Variants in CHCHD6 observed in about 807,000 individuals in gnomAD.
The protein encoded by CHCHD6 is coiled-coil-helix-coiled-coil-helix domain containing 6, also known as MICOS complex subunit MIC25.
In CHCHD6, 28 loss-of-function variants were observed where a neutral mutation model predicts 32.3. That is an observed-to-expected ratio of 0.87 (90% CI 0.64 to 1.19). The LOEUF (loss-of-function observed/expected upper bound fraction) is 1.19, where lower values mean the gene tolerates loss of function less well. Ranked by LOEUF, CHCHD6 falls within the 50% of genes most tolerant of loss-of-function variation. The probability of loss-of-function intolerance (pLI) is 0.00; values close to 1 mark genes in which losing one functional copy is unlikely to be tolerated. For missense variants in CHCHD6, 333 were observed against 307.0 expected (o/e 1.08, Z -0.63); for synonymous variants, 122 against 117.5 (o/e 1.04, Z -0.25).
chr3:126,761,315 A>G (rs1937154695), intron 4 of CHCHD6, among the ~76,000 whole-genome samples: 1 of 152,102 alleles, frequency 6.6e-6, no homozygotes, highest in Admixed American at 6.5e-5. Flanking sequence ...CTCTGTCTCC[A>G]TCTTCACATG....
intron 4 of CHCHD6, among the ~76,000 whole-genome samples, chr3:126,757,749 G>T (rs1559826157): frequency 6.6e-6 from 1 of 152,174 alleles, no homozygotes; most frequent in East Asian, 1.9e-4. Context: ...ACACAGCAGG[G>T]ATTGGTGAGC....
intron 6 of CHCHD6, among the ~76,000 whole-genome samples, chr3:126,953,851 A>G (rs532292920): frequency 2.0e-5 from 3 of 152,316 alleles, no homozygotes; most frequent in African/African-American, 4.8e-5. Context: ...GGATACCTTT[A>G]TCTGTGCATG....
Position 126,808,454 on chromosome 3 carries a change from CATGTT to C in CHCHD6, c.412-44189_412-44185del, listed in dbSNP as rs149372899. Among the ~76,000 whole-genome samples the C allele has an allele frequency of 2.7e-4, 41 of 152,122 alleles. No homozygotes were observed. The East Asian group carries it at 7.9e-3, about 29-fold the overall frequency. On this transcript the variant is annotated intron_variant, in intron 4 of 7. Coordinates refer to ENST00000290913, the MANE Select transcript of CHCHD6 (RefSeq NM_032343.3). Reference sequence around the variant, plus strand: ...CTGTGTTACTCAAGAAAAAAGAAAACATGTTATGGGAAGGAACTTCAAAATGTTTG... The same window carrying C: ...CTGTGTTACTCAAGAAAAAAGAAAACATGGGAAGGAACTTCAAAATGTTTG...
chr3:126,705,274 T>C (rs1306242683), intron 1 of CHCHD6, among the ~76,000 whole-genome samples: 2 of 152,230 alleles, frequency 1.3e-5, no homozygotes, highest in Non-Finnish European at 2.9e-5. Context: ...TTGATAATTG[T>C]TTACTTGTTT....
intron 1 of CHCHD6, among the ~76,000 whole-genome samples, chr3:126,722,933 T>C (rs978442289): frequency 1.3e-5 from 2 of 152,252 alleles, no homozygotes; most frequent in African/African-American, 4.8e-5. Context: ...TTTATAGTTT[T>C]AGCTCTTAAT....
At chr3:126,847,915 G>A (rs971991445) in intron 4 of CHCHD6, among the ~76,000 whole-genome samples, 1 of 151,978 alleles carries the variant, frequency 6.6e-6, no homozygotes, top group African/African-American at 2.4e-5. Flanking sequence ...TGAAACAGCT[G>A]TTAGACACAT....
At chr3:126,821,484 C>T (rs753414689) in intron 4 of CHCHD6, among the ~76,000 whole-genome samples, 1 of 152,054 alleles carries the variant, frequency 6.6e-6, no homozygotes, top group African/African-American at 2.4e-5. Flanking sequence ...TTAGTAGAGA[C>T]GGGATTTCAC....
chr3:126,795,295 T>G (rs1938742152), intron 4 of CHCHD6, among the ~76,000 whole-genome samples: 1 of 152,240 alleles, frequency 6.6e-6, no homozygotes, highest in Non-Finnish European at 1.5e-5. Flanking sequence ...CAGCTTTCTC[T>G]TGCATGAAAT....
chr3:126,763,884 G>T (rs757165156), intron 4 of CHCHD6, among the ~76,000 whole-genome samples: 4 of 152,044 alleles, frequency 2.6e-5, no homozygotes, highest in Non-Finnish European at 4.4e-5. Context: ...TTTAGAAATG[G>T]ATAGTGGTGG....
intron 6 of CHCHD6, among the ~76,000 whole-genome samples, chr3:126,919,495 A>C (rs2078216077): frequency 1.3e-5 from 2 of 151,608 alleles, no homozygotes; most frequent in Non-Finnish European, 2.9e-5. Context: ...TTAAATTTTT[A>C]GTAGAGAAAG....
chr3:126,760,012 G>C (rs1937104086), intron 4 of CHCHD6, among the ~76,000 whole-genome samples: 1 of 152,122 alleles, frequency 6.6e-6, no homozygotes, highest in South Asian at 2.1e-4. Context: ...CTGGGGAGGT[G>C]CCACATACTT....
rs1053131117 is a variant in CHCHD6, at chr3:126,839,006, A to G, written c.412-13641A>G. On this transcript the variant is annotated intron_variant, in intron 4 of 7. Coordinates refer to ENST00000290913, the MANE Select transcript of CHCHD6 (RefSeq NM_032343.3). ...TGGGCTCAAGTGATCCTCCTGCCTC[A>G]GCCACCTGAGTAGCTGGGGCTACAG... Among the ~76,000 whole-genome samples, 3 of 150,356 alleles carry G rather than the reference A, an allele frequency of 2.0e-5. No homozygotes were observed. The Admixed American group carries it at 2.0e-4, about 10-fold the overall frequency.
intron 4 of CHCHD6, among the ~76,000 whole-genome samples, chr3:126,823,904 A>AACAAAC (rs1553742964): frequency 1.4e-3 from 213 of 151,344 alleles, no homozygotes; most frequent in African/African-American, 5.0e-3. Flanking sequence ...CAAAAACAAA[A>AACAAAC]ACACACACAC....
chr3:126,943,506 T>C (rs2078592650), intron 6 of CHCHD6, among the ~76,000 whole-genome samples: 1 of 152,138 alleles, frequency 6.6e-6, no homozygotes, highest in Admixed American at 6.5e-5. Context: ...TCAGTTCTGG[T>C]CCAAAGCCAA....
intron 4 of CHCHD6, among the ~76,000 whole-genome samples, chr3:126,759,904 C>T (rs1346128223): frequency 6.6e-6 from 1 of 152,200 alleles, no homozygotes; most frequent in South Asian, 2.1e-4. Context: ...ATGGCACTAG[C>T]ATCTGCTCGC....
At chr3:126,920,107 T>C (rs1175235562) in intron 6 of CHCHD6, among the ~76,000 whole-genome samples, 1 of 152,164 alleles carries the variant, frequency 6.6e-6, no homozygotes, top group Non-Finnish European at 1.5e-5. Flanking sequence ...TATTAGTCTT[T>C]TAGTTCATTG....
intron 6 of CHCHD6, among the ~76,000 whole-genome samples, chr3:126,927,636 C>T (rs2078344065): frequency 6.6e-6 from 1 of 152,220 alleles, no homozygotes; most frequent in Non-Finnish European, 1.5e-5. Flanking sequence ...AATGGACTCA[C>T]TTCCGGAATA....
chr3:126,859,899 G>A (rs991563087), intron 5 of CHCHD6, among the ~76,000 whole-genome samples: 11 of 152,192 alleles, frequency 7.2e-5, no homozygotes, highest in Admixed American at 3.3e-4. Flanking sequence ...TGAAGGCCCC[G>A]TGAGCTGTGT....
chr3:126,922,078 C>T (rs2078258539), intron 6 of CHCHD6, among the ~76,000 whole-genome samples: 1 of 152,198 alleles, frequency 6.6e-6, no homozygotes, highest in Non-Finnish European at 1.5e-5. Context: ...ACATGTGTGG[C>T]TTAATCTGAT....
Sources: allele counts gnomAD v4.1 joint callset (sites outside exome capture counted in the v4.1 genomes callset), GRCh38; gene constraint gnomAD v4.1.1; transcripts MANE v1.5; gene names NCBI Gene and HGNC (gene_info 2026-07-23, HGNC 2026-07-21).